The following PCP4 variants were observed in gnomAD, a reference collection of about 807,000 sequenced individuals.
PCP4 encodes calmodulin regulator protein PCP4.
In PCP4, 8 loss-of-function variants were observed where a neutral mutation model predicts 10.0. The observed-to-expected ratio is 0.80, with a 90% confidence interval of 0.47 to 1.45. The LOEUF is 1.45. Ranked by LOEUF, PCP4 falls within the 40% of genes most tolerant of loss-of-function variation. The pLI, the probability that PCP4 is intolerant of heterozygous loss-of-function variation, is 0.00. For synonymous variants in PCP4, 21 were observed against 23.0 expected (o/e 0.91, Z 0.24); for missense variants, 54 against 74.4 (o/e 0.73, Z 1.01).
chr21:39,920,043 GTGGT>G, intron 2 of PCP4, among the ~76,000 whole-genome samples: 1 of 127,628 alleles, frequency 7.8e-6, no homozygotes. Flanking sequence ...GTATGTATGT[GTGGT>G]GTGTGTGTGT....
At chr21:39,874,587 A>T (rs898281261) in intron 1 of PCP4, among the ~76,000 whole-genome samples, 6 of 152,094 alleles carry the variant, frequency 3.9e-5, no homozygotes, top group Admixed American at 1.3e-4. Flanking sequence ...ATCAAATAAG[A>T]GTAAAAATAT....
intron 2 of PCP4, among the ~76,000 whole-genome samples, chr21:39,910,309 C>T (rs963387858): frequency 1.3e-5 from 2 of 152,158 alleles, no homozygotes; most frequent in Non-Finnish European, 2.9e-5. Flanking sequence ...GCAGACCTCG[C>T]TTCCCACAGC....
At chr21:39,878,554 A>G (rs1283775462) in intron 1 of PCP4, among the ~76,000 whole-genome samples, 2 of 152,228 alleles carry the variant, frequency 1.3e-5, no homozygotes, top group Non-Finnish European at 2.9e-5. Context: ...TCTTTCTTTA[A>G]AAGTGAAAAG....
At chr21:39,908,819 C>T (rs12483061) in intron 2 of PCP4, among the ~76,000 whole-genome samples, 42,186 of 152,110 alleles carry the variant, frequency 0.28, 6,451 homozygotes, top group Non-Finnish European at 0.35. Context: ...TAAGCTTTGC[C>T]TCCACCCCTG....
At chr21:39,892,683 C>T (rs2087438672) in intron 1 of PCP4, among the ~76,000 whole-genome samples, 1 of 152,098 alleles carries the variant, frequency 6.6e-6, no homozygotes, top group African/African-American at 2.4e-5. Flanking sequence ...TATGCATTCC[C>T]TTAAGCATGT....
At chr21:39,881,128 G>A (rs1000105368) in intron 1 of PCP4, among the ~76,000 whole-genome samples, 3 of 152,158 alleles carry the variant, frequency 2.0e-5, no homozygotes, top group Non-Finnish European at 4.4e-5. Flanking sequence ...TTCTTGGGCT[G>A]TGACAGCTGA....
intron 2 of PCP4, among the ~76,000 whole-genome samples, chr21:39,927,861 T>C (rs2087632483): frequency 1.3e-5 from 2 of 152,034 alleles, no homozygotes. Context: ...GACACGGATT[T>C]CTCAACATCC....
intron 1 of PCP4, among the ~76,000 whole-genome samples, chr21:39,870,217 G>A (rs2087313217): frequency 6.6e-6 from 1 of 152,242 alleles, no homozygotes; most frequent in Admixed American, 6.5e-5. Flanking sequence ...ACACTTTTTA[G>A]GGGAAATGAC....
At chr21:39,891,403 A>G (rs913257486) in intron 1 of PCP4, among the ~76,000 whole-genome samples, 2 of 152,192 alleles carry the variant, frequency 1.3e-5, no homozygotes, top group African/African-American at 4.8e-5. Flanking sequence ...GCAAGGTGCA[A>G]GACTTTGCAT....
At chr21:39,880,142 A>ATATCTATATCTATATCTG (rs2087366967) in intron 1 of PCP4, among the ~76,000 whole-genome samples, 2 of 109,262 alleles carry the variant, frequency 1.8e-5, no homozygotes, top group Non-Finnish European at 3.7e-5. Flanking sequence ...ATCTATATCT[A>ATATCTATATCTATATCTG]TATCTATATC....
intron 2 of PCP4, among the ~76,000 whole-genome samples, chr21:39,928,445 G>A (rs935845299): frequency 1.2e-4 from 18 of 152,284 alleles, no homozygotes; most frequent in Admixed American, 9.8e-4. Flanking sequence ...TAAGCTTTGT[G>A]AAAGTTCAGT....
At chr21:39,880,392 T>C (rs1357842034) in intron 1 of PCP4, among the ~76,000 whole-genome samples, 2 of 152,188 alleles carry the variant, frequency 1.3e-5, no homozygotes, top group African/African-American at 4.8e-5. Flanking sequence ...CTTTTGATGA[T>C]GAAGTAATAA....
intron 1 of PCP4, among the ~76,000 whole-genome samples, chr21:39,875,710 A>T (rs1401853186): frequency 6.6e-6 from 1 of 152,264 alleles, no homozygotes; most frequent in Non-Finnish European, 1.5e-5. Flanking sequence ...AATAGTGTCC[A>T]CAATGACTAA....
chr21:39,876,559 A>G (rs891511423), intron 1 of PCP4, among the ~76,000 whole-genome samples: 2 of 152,182 alleles, frequency 1.3e-5, no homozygotes, highest in African/African-American at 4.8e-5. Context: ...GTATCACATG[A>G]TGATATTCTG....
intron 2 of PCP4, among the ~76,000 whole-genome samples, chr21:39,920,408 G>A (rs35716588): frequency 0.38 from 56,974 of 150,488 alleles, 10,798 homozygotes; most frequent in East Asian, 0.47. Context: ...GTGTTTGTGT[G>A]AGTGTGTGTG....
At position 39,903,437 on chromosome 21, in the gene PCP4, G is replaced by A. The variant is rs79852209; in HGVS notation, c.61+4910G>A. Among the ~76,000 whole-genome samples, 1,199 of 152,304 alleles carry A rather than the reference G, an allele frequency of 7.9e-3. 20 individuals carry two copies. Among genetic ancestry groups the A allele is most frequent in the African/African-American group, 0.027 (1,139 of 41,570 alleles). On this transcript the variant is annotated intron_variant, in intron 2 of 2. Coordinates refer to ENST00000328619, the MANE Select transcript of PCP4 (RefSeq NM_006198.3). The stretch of plus-strand genomic sequence containing the variant: ...TGAACTACCTGTGGGACTCACTGTC[G>A]TTGTGTTTCTTTGAGTGTGAGTAGC...
intron 1 of PCP4, 142 bp downstream of exon 1, chr21:39,867,652 G>T: frequency 2.3e-6 from 2 of 869,676 alleles, no homozygotes; most frequent in Admixed American, 3.7e-5. Context: ...AGAACTGACA[G>T]GATTAATCTC....
chr21:39,877,651 C>G (rs1218897086), intron 1 of PCP4, among the ~76,000 whole-genome samples: 1 of 152,026 alleles, frequency 6.6e-6, no homozygotes, highest in Non-Finnish European at 1.5e-5. Flanking sequence ...GAGCCATGAT[C>G]ATGCCACTGC....
intron 1 of PCP4, among the ~76,000 whole-genome samples, chr21:39,892,714 T>C (rs2087438777): frequency 6.6e-6 from 1 of 152,180 alleles, no homozygotes. Context: ...TTACAAACAA[T>C]TCAAGTACAC....
Sources: allele counts gnomAD v4.1 joint callset (sites outside exome capture counted in the v4.1 genomes callset), GRCh38; gene constraint gnomAD v4.1.1; transcripts MANE v1.5; gene names NCBI Gene and HGNC (gene_info 2026-07-23, HGNC 2026-07-21).